CTNNA2: variants seen among roughly 807,000 people sequenced by gnomAD.
CTNNA2 encodes the protein catenin alpha 2, also known as catenin alpha-2.
Under a neutral mutation model 101.0 loss-of-function variants are expected in CTNNA2, and 42 were observed. The ratio of observed to expected loss-of-function variants is 0.42; its 90% CI spans 0.32 to 0.54. CTNNA2 has a LOEUF of 0.54. Among genes scored for constraint, CTNNA2 ranks in the 20% least tolerant of loss-of-function variants. CTNNA2 has a pLI of 0.14. For missense variants in CTNNA2, 871 were observed against 1,223.1 expected (o/e 0.71, Z 4.29); for synonymous variants, 450 against 456.4 (o/e 0.99, Z 0.18).
chr2:80,043,919 G>GTTTGTGCATGTATGCACACTCAT (rs1428678810), intron 7 of CTNNA2, among the ~76,000 whole-genome samples: 1 of 152,158 alleles, frequency 6.6e-6, no homozygotes, highest in Non-Finnish European at 1.5e-5. Context: ...GTGTGTGTGT[G>GTTTGTGCATGTATGCACACTCAT]TTTGTGCATG....
chr2:79,586,740 G>A (rs1041480373), intron 1 of CTNNA2, among the ~76,000 whole-genome samples: 14 of 151,900 alleles, frequency 9.2e-5, no homozygotes, highest in Admixed American at 4.6e-4. Flanking sequence ...GTTCTTTAGT[G>A]GTGATTTCTG....
chr2:80,412,721 T>C (rs540866122), intron 8 of CTNNA2, among the ~76,000 whole-genome samples: 2 of 152,138 alleles, frequency 1.3e-5, no homozygotes, highest in African/African-American at 2.4e-5. Context: ...GGCCTTCTCC[T>C]GTGTCTGGGT....
chr2:80,261,048 C>A (rs1469721759), intron 7 of CTNNA2, among the ~76,000 whole-genome samples: 1 of 152,162 alleles, frequency 6.6e-6, no homozygotes, highest in East Asian at 1.9e-4. Flanking sequence ...TCAGACTCTG[C>A]ACGGTTCTAA....
At chr2:79,944,344 A>G (rs942554264) in intron 7 of CTNNA2, among the ~76,000 whole-genome samples, 1 of 152,222 alleles carries the variant, frequency 6.6e-6, no homozygotes, top group African/African-American at 2.4e-5. Context: ...ACTAGGAGCT[A>G]TATACTTTAT....
intron 2 of CTNNA2, among the ~76,000 whole-genome samples, chr2:79,656,503 C>A (rs1217992611): frequency 1.3e-5 from 2 of 152,080 alleles, no homozygotes; most frequent in Non-Finnish European, 2.9e-5. Flanking sequence ...GAGTAGAATT[C>A]TTTCACTGTC....
intron 3 of CTNNA2, among the ~76,000 whole-genome samples, chr2:79,794,330 T>C (rs541667585): frequency 8.5e-5 from 13 of 152,312 alleles, no homozygotes; most frequent in Non-Finnish European, 1.8e-4. Flanking sequence ...CTTTTGCCTT[T>C]ACTTTTAATG....
intron 2 of CTNNA2, among the ~76,000 whole-genome samples, chr2:79,282,795 A>G (rs1007216147): frequency 8.5e-6 from 1 of 118,196 alleles, no homozygotes; most frequent in Non-Finnish European, 1.9e-5. Flanking sequence ...GCTGGGTCAA[A>G]TGGTATTTCT....
intron 8 of CTNNA2, among the ~76,000 whole-genome samples, chr2:80,418,362 C>G (rs566543215): frequency 1.3e-5 from 2 of 152,276 alleles, no homozygotes; most frequent in African/African-American, 4.8e-5. Flanking sequence ...CATGAGCTCA[C>G]TAATAACCAA....
chr2:79,806,502 G>C (rs991654643), intron 3 of CTNNA2, among the ~76,000 whole-genome samples: 17 of 152,114 alleles, frequency 1.1e-4, no homozygotes, highest in African/African-American at 3.9e-4. Flanking sequence ...AGGTGACTGG[G>C]ACCCTTCCAA....
At chr2:80,305,073 A>G (rs1573655941) in intron 7 of CTNNA2, 1 of 985,084 alleles carries the variant, frequency 1.0e-6, no homozygotes, top group African/African-American at 1.7e-5. Flanking sequence ...CGTGTAAGAG[A>G]TACGTAGGAA....
intron 7 of CTNNA2, among the ~76,000 whole-genome samples, chr2:80,226,151 C>G (rs545321288): frequency 1.3e-5 from 2 of 152,118 alleles, no homozygotes; most frequent in Non-Finnish European, 2.9e-5. Context: ...GCTAATGGGA[C>G]TATGTGTTTT....
chr2:79,222,390 G>A (rs192215052), intron 2 of CTNNA2, among the ~76,000 whole-genome samples: 1 of 152,262 alleles, frequency 6.6e-6, no homozygotes, highest in African/African-American at 2.4e-5. Context: ...TCAGACAGGC[G>A]CTCTACCCAG....
chr2:80,333,676 C>A (rs972269611), intron 7 of CTNNA2, among the ~76,000 whole-genome samples: 1 of 152,112 alleles, frequency 6.6e-6, no homozygotes, highest in Admixed American at 6.5e-5. Flanking sequence ...CTGTGTCCCA[C>A]AGGCAGTAGC....
intron 11 of CTNNA2, among the ~76,000 whole-genome samples, chr2:80,551,339 G>A (rs1692540465): frequency 6.6e-6 from 1 of 152,098 alleles, no homozygotes; most frequent in Non-Finnish European, 1.5e-5. Context: ...TGAGCATTTG[G>A]TTCAACCTAA....
chr2:80,533,039 C>G (rs949912330), intron 9 of CTNNA2, among the ~76,000 whole-genome samples: 2 of 152,146 alleles, frequency 1.3e-5, no homozygotes, highest in African/African-American at 4.8e-5. Flanking sequence ...AATAAAAATA[C>G]AACCATTATC....
At chr2:79,937,820 C>T (rs1210916142) in intron 7 of CTNNA2, among the ~76,000 whole-genome samples, 1 of 152,168 alleles carries the variant, frequency 6.6e-6, no homozygotes, top group Non-Finnish European at 1.5e-5. Flanking sequence ...CTAAGTAATT[C>T]TGTGGTGCTT....
intron 7 of CTNNA2, among the ~76,000 whole-genome samples, chr2:80,010,496 G>A (rs1247276622): frequency 1.3e-5 from 2 of 152,168 alleles, no homozygotes; most frequent in East Asian, 1.9e-4. Context: ...TAGGAAAGGG[G>A]TCTTCCTCTG....
intron 1 of CTNNA2, among the ~76,000 whole-genome samples, chr2:79,640,239 G>C (rs1558794163): frequency 6.6e-6 from 1 of 152,136 alleles, no homozygotes; most frequent in East Asian, 1.9e-4. Flanking sequence ...TAAACAGGGA[G>C]ACTTCCTAAA....
At chr2:80,364,388 C>G (rs908053879) in intron 7 of CTNNA2, among the ~76,000 whole-genome samples, 7 of 151,948 alleles carry the variant, frequency 4.6e-5, no homozygotes, top group African/African-American at 1.7e-4. Flanking sequence ...TCTCCTTTCC[C>G]TTTTTAAAAC....
Sources: allele counts gnomAD v4.1 joint callset (sites outside exome capture counted in the v4.1 genomes callset), GRCh38; gene constraint gnomAD v4.1.1; transcripts MANE v1.5; gene names NCBI Gene and HGNC (gene_info 2026-07-23, HGNC 2026-07-21).